TEAD1: variants seen among roughly 807,000 people sequenced by gnomAD.
TEAD1 encodes the protein transcriptional enhancer factor TEF-1.
TEAD1 carries 9 observed loss-of-function variants against 54.9 expected under a neutral mutation model. That is an observed-to-expected ratio of 0.16 (90% CI 0.10 to 0.29). The LOEUF is 0.29. Ranked by LOEUF, TEAD1 falls within the 10% of genes least tolerant of loss-of-function variation. The probability of loss-of-function intolerance (pLI) is 1.00; values close to 1 mark genes in which losing one functional copy is unlikely to be tolerated. For synonymous variants in TEAD1, 200 were observed against 187.8 expected (o/e 1.07, Z -0.53); for missense variants, 387 against 535.9 (o/e 0.72, Z 2.74).
At chr11:12,780,549 T>C (rs1945520959) in intron 3 of TEAD1, among the ~76,000 whole-genome samples, 2 of 152,170 alleles carry the variant, frequency 1.3e-5, no homozygotes, top group South Asian at 4.1e-4. Flanking sequence ...TGCCACTCGA[T>C]TGTATTTCTG....
At chr11:12,937,018 TG>T (rs1387196486) in intron 12 of TEAD1, 90 bp from the exon 13 acceptor site, 3 of 873,412 alleles carry the variant, frequency 3.4e-6, no homozygotes, top group Non-Finnish European at 5.6e-6. Context: ...ACTTAAGACT[TG>T]TTCTTCTCCA....
At chr11:12,716,393 T>G (rs979952733) in intron 2 of TEAD1, among the ~76,000 whole-genome samples, 1 of 152,086 alleles carries the variant, frequency 6.6e-6, no homozygotes, top group South Asian at 2.1e-4. Flanking sequence ...CCCTCCCCCC[T>G]CCATTGAGGG....
intron 10 of TEAD1, among the ~76,000 whole-genome samples, chr11:12,919,382 G>A (rs1948766289): frequency 6.6e-6 from 1 of 152,084 alleles, no homozygotes; most frequent in South Asian, 2.1e-4. Context: ...TACAAACAAT[G>A]GCAAAACCAT....
At chr11:12,867,022 C>G (rs1006040760) in intron 5 of TEAD1, among the ~76,000 whole-genome samples, 6 of 152,098 alleles carry the variant, frequency 3.9e-5, no homozygotes, top group African/African-American at 1.2e-4. Context: ...CAGCCTAATG[C>G]GTGCTCCCTC....
At chr11:12,812,164 G>C (rs146413423) in intron 3 of TEAD1, among the ~76,000 whole-genome samples, 1 of 152,206 alleles carries the variant, frequency 6.6e-6, no homozygotes, top group African/African-American at 2.4e-5. Flanking sequence ...TTTTGAGCTC[G>C]TGGCTTGTGG....
At position 12,926,786 on chromosome 11, in the gene TEAD1, G is replaced by A. The variant is rs189011794; in HGVS notation, c.1014+1734G>A. ...GAGGACAAAAATGAGTGGGGAGGGCGGGAATTGGCTCAACATAATGTCTAG... is the reference window on the plus strand; with the variant it reads ...GAGGACAAAAATGAGTGGGGAGGGCAGGAATTGGCTCAACATAATGTCTAG... On this transcript the variant is annotated intron_variant, in intron 11 of 12. Coordinates refer to ENST00000527636, the MANE Select transcript of TEAD1 (RefSeq NM_021961.6). Among the ~76,000 whole-genome samples the A allele has an allele frequency of 2.4e-3, 368 of 152,226 alleles. 1 individual carries two copies. Among genetic ancestry groups the A allele is most frequent in the Non-Finnish European group, 3.9e-3 (268 of 68,016 alleles).
At chr11:12,809,210 A>G (rs1414388228) in intron 3 of TEAD1, among the ~76,000 whole-genome samples, 1 of 152,130 alleles carries the variant, frequency 6.6e-6, no homozygotes, top group Admixed American at 6.5e-5. Flanking sequence ...AGCAGTGGAC[A>G]CTCAGTGACG....
Position 12,939,717 on chromosome 11 carries a change from T to TA in TEAD1, c.*2496dup, listed in dbSNP as rs1949142522. 1 of 152,298 alleles carries TA rather than the reference T, an allele frequency of 6.6e-6. No individual in the cohort carries two copies. Among genetic ancestry groups the TA allele is most frequent in the Non-Finnish European group, 1.5e-5 (1 of 68,098 alleles). The allele number at this position is 152,298 out of a possible 1,614,324, so 9.4% of individuals were successfully genotyped here. A position where few individuals can be genotyped will look rare whatever the true frequency, so the allele number is the denominator to read the frequency against. On this transcript the variant is annotated 3_prime_UTR_variant, in exon 13 of 13. Coordinates refer to ENST00000527636, the MANE Select transcript of TEAD1 (RefSeq NM_021961.6). ...GACCTTGAGGTTTACTCCTTGCTCT[T>TA]ACAACATTTCTAAGGATTTTTAAAA...
At chr11:12,767,644 G>T (rs1220965183) in intron 3 of TEAD1, among the ~76,000 whole-genome samples, 1 of 152,174 alleles carries the variant, frequency 6.6e-6, no homozygotes. Context: ...GGCTTCATTC[G>T]CTTTCTGCTA....
chr11:12,819,703 G>C (rs1027901380), intron 3 of TEAD1, among the ~76,000 whole-genome samples: 2 of 151,760 alleles, frequency 1.3e-5, no homozygotes, highest in African/African-American at 4.8e-5. Context: ...CGCCCGCCTC[G>C]GTCTCCCAAA....
intron 4 of TEAD1, 126 bp downstream of exon 4, chr11:12,862,440 T>A (rs1049970296): frequency 9.0e-6 from 7 of 779,972 alleles, no homozygotes; most frequent in African/African-American, 1.7e-5. Flanking sequence ...AGGACGTCAG[T>A]GTTGGAGGTA....
At chr11:12,800,492 G>T (rs1946032561) in intron 3 of TEAD1, among the ~76,000 whole-genome samples, 1 of 152,176 alleles carries the variant, frequency 6.6e-6, no homozygotes, top group South Asian at 2.1e-4. Context: ...CACAGCGATG[G>T]TTCCTGCTGT....
intron 12 of TEAD1, among the ~76,000 whole-genome samples, chr11:12,935,542 C>T (rs1390130913): frequency 6.6e-6 from 1 of 152,096 alleles, no homozygotes; most frequent in Non-Finnish European, 1.5e-5. Context: ...TCGCTGCAAC[C>T]TCTGCCTCCC....
chr11:12,808,125 C>T (rs1946216570), intron 3 of TEAD1, among the ~76,000 whole-genome samples: 1 of 152,112 alleles, frequency 6.6e-6, no homozygotes, highest in African/African-American at 2.4e-5. Context: ...TTTCTAAATG[C>T]ACTATTCATT....
At chr11:12,886,901 G>A (rs1012440223) in intron 9 of TEAD1, among the ~76,000 whole-genome samples, 2 of 152,034 alleles carry the variant, frequency 1.3e-5, no homozygotes, top group Admixed American at 1.3e-4. Context: ...CTTGTATTAT[G>A]ATACTAAGTG....
At chr11:12,835,799 G>A (rs1564957536) in intron 3 of TEAD1, among the ~76,000 whole-genome samples, 1 of 152,168 alleles carries the variant, frequency 6.6e-6, no homozygotes, top group Non-Finnish European at 1.5e-5. Context: ...CTGCTATTTG[G>A]AGTTTTATTT....
intron 3 of TEAD1, among the ~76,000 whole-genome samples, chr11:12,784,691 G>A (rs1189736931): frequency 6.6e-6 from 1 of 152,184 alleles, no homozygotes; most frequent in East Asian, 1.9e-4. Flanking sequence ...TGATGTCTTG[G>A]CATGTTCCTT....
chr11:12,797,173 G>A (rs998409593), intron 3 of TEAD1, among the ~76,000 whole-genome samples: 2 of 152,242 alleles, frequency 1.3e-5, no homozygotes, highest in Non-Finnish European at 2.9e-5. Flanking sequence ...GGAAGCACTA[G>A]TATCCCAGAT....
At chr11:12,927,480 G>A (rs189691762) in intron 11 of TEAD1, among the ~76,000 whole-genome samples, 119 of 152,182 alleles carry the variant, frequency 7.8e-4, no homozygotes, top group Middle Eastern at 3.4e-3. Flanking sequence ...TTGATGAGGC[G>A]AGTCAGGCTC....
Sources: allele counts gnomAD v4.1 joint callset (sites outside exome capture counted in the v4.1 genomes callset), GRCh38; gene constraint gnomAD v4.1.1; transcripts MANE v1.5; gene names NCBI Gene and HGNC (gene_info 2026-07-23, HGNC 2026-07-21).